CTNNA2: variants seen among roughly 807,000 people sequenced by gnomAD.
The protein encoded by CTNNA2 is catenin alpha-2.
CTNNA2 carries 42 observed loss-of-function variants against 101.0 expected under a neutral mutation model. The ratio of observed to expected loss-of-function variants is 0.42; its 90% confidence interval spans 0.32 to 0.54. The LOEUF is 0.54. Among genes scored for constraint, CTNNA2 ranks in the 20% least tolerant of loss-of-function variants. The pLI, the probability that CTNNA2 is intolerant of heterozygous loss-of-function variation, is 0.14. For synonymous variants in CTNNA2, 450 were observed against 456.4 expected, an observed-to-expected ratio of 0.99 and a Z score of 0.18; for missense variants, 871 against 1,223.1, an observed-to-expected ratio of 0.71 and a Z score of 4.29.
intron 3 of CTNNA2, among the ~76,000 whole-genome samples, chr2:79,838,135 G>A (rs920064464): frequency 1.3e-5 from 2 of 152,054 alleles, no homozygotes; most frequent in African/African-American, 2.4e-5. Context: ...TAAAAGATTG[G>A]AAAATAATAA....
intron 7 of CTNNA2, among the ~76,000 whole-genome samples, chr2:80,306,584 C>G (rs1677049654): frequency 6.6e-6 from 1 of 151,954 alleles, no homozygotes; most frequent in Non-Finnish European, 1.5e-5. Flanking sequence ...CTGCGGAACA[C>G]TTTAACAGAC....
intron 7 of CTNNA2, among the ~76,000 whole-genome samples, chr2:80,203,997 A>G (rs571562519): frequency 1.3e-5 from 2 of 152,328 alleles, no homozygotes; most frequent in Non-Finnish European, 2.9e-5. Context: ...CCTCTGAAGC[A>G]ACAGCCTGAG....
At chr2:80,485,021 C>T (rs1686457737) in intron 9 of CTNNA2, among the ~76,000 whole-genome samples, 1 of 151,766 alleles carries the variant, frequency 6.6e-6, no homozygotes, top group African/African-American at 2.4e-5. Context: ...ATAATAATAA[C>T]AATAATAATA....
At chr2:79,900,466 C>A (rs1459092366) in intron 6 of CTNNA2, among the ~76,000 whole-genome samples, 1 of 152,156 alleles carries the variant, frequency 6.6e-6, no homozygotes, top group South Asian at 2.1e-4. Context: ...GTGACCTAGA[C>A]ACTTGGTAAT....
At chr2:79,410,873 T>C (rs550294505) in intron 4 of CTNNA2, among the ~76,000 whole-genome samples, 2 of 152,168 alleles carry the variant, frequency 1.3e-5, no homozygotes, top group East Asian at 3.9e-4. Context: ...TCAGAAGGAA[T>C]GGTACCAGTT....
At chr2:79,615,679 T>C (rs1678571493) in intron 1 of CTNNA2, among the ~76,000 whole-genome samples, 1 of 152,172 alleles carries the variant, frequency 6.6e-6, no homozygotes, top group Non-Finnish European at 1.5e-5. Context: ...CAAACTTTGT[T>C]TTTCCCACTA....
intron 8 of CTNNA2, among the ~76,000 whole-genome samples, chr2:80,416,967 A>G (rs890172569): frequency 7.9e-5 from 12 of 151,788 alleles, no homozygotes; most frequent in African/African-American, 2.7e-4. Context: ...GTGATAATCT[A>G]TTTTTTCCTG....
chr2:80,126,952 G>A (rs1016937273), intron 7 of CTNNA2, among the ~76,000 whole-genome samples: 22 of 152,254 alleles, frequency 1.4e-4, no homozygotes, highest in African/African-American at 5.3e-4. Flanking sequence ...TCTGTTCTGT[G>A]TTTCCTTCAG....
At chr2:79,538,102 C>CT (rs1322377963) in intron 1 of CTNNA2, among the ~76,000 whole-genome samples, 2 of 152,056 alleles carry the variant, frequency 1.3e-5, no homozygotes, top group Admixed American at 6.6e-5. Flanking sequence ...TTTTAAAACA[C>CT]TAAGATAGTT....
chr2:79,814,218 A>T (rs557364158), intron 3 of CTNNA2, among the ~76,000 whole-genome samples: 8 of 152,186 alleles, frequency 5.3e-5, no homozygotes, highest in Middle Eastern at 6.8e-3. Context: ...AACTGAACCC[A>T]TAAGAATTTT....
At chr2:80,045,722 G>A (rs1321026878) in intron 7 of CTNNA2, among the ~76,000 whole-genome samples, 2 of 152,014 alleles carry the variant, frequency 1.3e-5, no homozygotes, top group African/African-American at 4.8e-5. Flanking sequence ...AGCATAAGAA[G>A]CACCATTCAT....
intron 7 of CTNNA2, among the ~76,000 whole-genome samples, chr2:79,992,556 ATAGTAGCTCAG>A (rs1692255630): frequency 6.6e-6 from 1 of 152,224 alleles, no homozygotes; most frequent in Non-Finnish European, 1.5e-5. Context: ...CACTGTGTGA[ATAGTAGCTCAG>A]ACCTAATGTA....
chr2:80,559,341 G>T (rs1693341022), intron 12 of CTNNA2, among the ~76,000 whole-genome samples: 1 of 152,162 alleles, frequency 6.6e-6, no homozygotes, highest in Admixed American at 6.5e-5. Flanking sequence ...TTACACACAG[G>T]CAAACCCCTG....
chr2:79,558,089 A>C lies in CTNNA2; in HGVS notation c.-6+44882A>C, dbSNP rs540934535. On this transcript the variant is annotated intron_variant, in intron 1 of 18. Coordinates refer to ENST00000402739, the MANE Select transcript of CTNNA2 (RefSeq NM_001282597.3). ...TAGACCAGACTATGATTATCAGCAT[A>C]TTCTAGTTCTGCATAAATTTTTCTA... Among the ~76,000 whole-genome samples the C allele has an allele frequency of 8.5e-5, 13 of 152,068 alleles. No homozygotes were observed. The East Asian group carries it at 2.3e-3, about 27-fold the overall frequency.
intron 7 of CTNNA2, among the ~76,000 whole-genome samples, chr2:80,213,272 C>T (rs1708026561): frequency 6.6e-6 from 1 of 151,970 alleles, no homozygotes; most frequent in South Asian, 2.1e-4. Context: ...AATGTGTTTG[C>T]TCTTGCTTCT....
chr2:79,972,854 C>T (rs1036588049), intron 7 of CTNNA2, among the ~76,000 whole-genome samples: 3 of 152,138 alleles, frequency 2.0e-5, no homozygotes, highest in Admixed American at 2.0e-4. Flanking sequence ...TTAGTGTTCA[C>T]CCGGTGGAGA....
intron 2 of CTNNA2, among the ~76,000 whole-genome samples, chr2:79,688,070 A>T (rs531049684): frequency 6.6e-6 from 1 of 152,250 alleles, no homozygotes; most frequent in South Asian, 2.1e-4. Context: ...GCCAAAATTC[A>T]TGCTACCTGT....
intron 7 of CTNNA2, among the ~76,000 whole-genome samples, chr2:80,309,522 A>G (rs1677338123): frequency 6.6e-6 from 1 of 152,104 alleles, no homozygotes; most frequent in Non-Finnish European, 1.5e-5. Context: ...CCTTGTTGGG[A>G]TTTCTGCTTT....
chr2:79,920,163 G>A (rs975904522), intron 7 of CTNNA2, among the ~76,000 whole-genome samples: 5 of 152,172 alleles, frequency 3.3e-5, no homozygotes, highest in African/African-American at 1.2e-4. Context: ...GTTTCAGTGA[G>A]CTGAGATTGT....
Sources: allele counts gnomAD v4.1 joint callset (sites outside exome capture counted in the v4.1 genomes callset), GRCh38; gene constraint gnomAD v4.1.1; transcripts MANE v1.5; gene names NCBI Gene and HGNC (gene_info 2026-07-23, HGNC 2026-07-21).